The following SOX5 variants were observed in gnomAD, a reference collection of about 807,000 sequenced individuals.
The protein encoded by SOX5 is transcription factor SOX-5.
In SOX5, 9 loss-of-function variants were observed where a neutral mutation model predicts 92.0. The observed-to-expected ratio is 0.10, with a 90% CI of 0.06 to 0.17. The LOEUF (loss-of-function observed/expected upper bound fraction) is 0.17, where lower values mean the gene tolerates loss of function less well. Ranked by LOEUF, SOX5 falls within the 10% of genes least tolerant of loss-of-function variation. The pLI is 1.00. For missense variants in SOX5, 642 were observed against 944.5 expected (o/e 0.68, Z 4.20); for synonymous variants, 344 against 336.3 (o/e 1.02, Z -0.25).
In SOX5 at chr12:23,870,892, G is replaced by C. The variant is rs530981083; in HGVS notation, c.271-24699C>G. Among the ~76,000 whole-genome samples, 479 of 151,622 alleles carry C rather than the reference G, an allele frequency of 3.2e-3. 2 individuals are homozygous for C. Among genetic ancestry groups the C allele is most frequent in the Middle Eastern group, 0.01 (3 of 294 alleles). The stretch of plus-strand genomic sequence containing the variant: ...TTTTTTCTTCTTCTTCAATAGTTCT[G>C]CATAAATGAGACACTTCACTCACTA... On this transcript the variant is annotated intron_variant, in intron 2 of 14. Transcript: ENST00000451604.
chr12:23,573,338 A>G (rs555025044), intron 10 of SOX5, among the ~76,000 whole-genome samples: 12 of 152,274 alleles, frequency 7.9e-5, no homozygotes, highest in African/African-American at 2.9e-4. Context: ...CTGGAAATCT[A>G]TTCAAACCAT....
intron 2 of SOX5, among the ~76,000 whole-genome samples, chr12:24,356,930 T>A (rs1954904121): frequency 1.3e-5 from 2 of 152,330 alleles, no homozygotes; most frequent in South Asian, 4.1e-4. Context: ...AACTAGATAC[T>A]GACCATCCCA....
chr12:24,157,076 C>A (rs1952256654), intron 4 of SOX5, among the ~76,000 whole-genome samples: 1 of 152,016 alleles, frequency 6.6e-6, no homozygotes, highest in Admixed American at 6.6e-5. Context: ...AAGTGTTTAT[C>A]TTCAGTGTTT....
intron 4 of SOX5, among the ~76,000 whole-genome samples, chr12:23,971,150 T>C (rs1441598951): frequency 3.8e-5 from 3 of 78,108 alleles, no homozygotes; most frequent in Non-Finnish European, 7.0e-5. Context: ...TGAGAGGGAG[T>C]CTTGCTCTGT....
chr12:24,223,838 G>T (rs113703032), intron 3 of SOX5, among the ~76,000 whole-genome samples: 11 of 152,252 alleles, frequency 7.2e-5, no homozygotes, highest in African/African-American at 2.2e-4. Context: ...TTTTGCTTCC[G>T]TTAGAAAATG....
At chr12:24,119,315 CATT>C (rs1449379602) in intron 4 of SOX5, among the ~76,000 whole-genome samples, 1 of 152,008 alleles carries the variant, frequency 6.6e-6, no homozygotes, top group Non-Finnish European at 1.5e-5. Flanking sequence ...CTTTTTGTAT[CATT>C]AGCACTATTC....
chr12:23,896,065 A>G (rs1038649303), intron 1 of SOX5, 41 bp from the exon 2 acceptor site: 1 of 1,355,050 alleles, frequency 7.4e-7, no homozygotes, highest in Non-Finnish European at 1.1e-6. Flanking sequence ...AAACCTCCAC[A>G]TAAATCCTTA....
intron 4 of SOX5, among the ~76,000 whole-genome samples, chr12:24,174,969 T>C (rs1188909521): frequency 1.3e-5 from 2 of 152,214 alleles, no homozygotes; most frequent in Non-Finnish European, 2.9e-5. Flanking sequence ...GTCATACTTC[T>C]GGAAGTTCAT....
intron 6 of SOX5, among the ~76,000 whole-genome samples, chr12:23,696,312 G>A (rs2089852534): frequency 1.3e-5 from 2 of 152,012 alleles, no homozygotes; most frequent in Non-Finnish European, 2.9e-5. Context: ...GTAGTGTAGA[G>A]GTATTCAGGG....
intron 3 of SOX5, among the ~76,000 whole-genome samples, chr12:24,225,933 C>T (rs1961843380): frequency 6.6e-6 from 1 of 152,092 alleles, no homozygotes; most frequent in Admixed American, 6.6e-5. Flanking sequence ...TTGTAGGAAT[C>T]AAAGAAACGT....
At chr12:23,553,238 T>C (rs1364904539) in intron 11 of SOX5, among the ~76,000 whole-genome samples, 1 of 152,066 alleles carries the variant, frequency 6.6e-6, no homozygotes, top group East Asian at 1.9e-4. Flanking sequence ...AGACATATTT[T>C]GTGAAGAGAC....
chr12:24,267,347 A>C (rs1277888224), intron 3 of SOX5, among the ~76,000 whole-genome samples: 1 of 152,206 alleles, frequency 6.6e-6, no homozygotes, highest in East Asian at 1.9e-4. Context: ...ATAAAACACC[A>C]ATGACTCATA....
chr12:24,129,558 TATTTTTTA>T (rs1168242058), intron 4 of SOX5, among the ~76,000 whole-genome samples: 2 of 152,168 alleles, frequency 1.3e-5, no homozygotes, highest in Non-Finnish European at 2.9e-5. Context: ...CTTCTCTGGA[TATTTTTTA>T]ATTGCACATG....
At chr12:24,142,686 GAATACA>G (rs1295777764) in intron 4 of SOX5, among the ~76,000 whole-genome samples, 1 of 151,866 alleles carries the variant, frequency 6.6e-6, no homozygotes, top group Non-Finnish European at 1.5e-5. Flanking sequence ...CCAAGAACCA[GAATACA>G]AATGAGAGGA....
chr12:24,342,995 G>A (rs1952756589), intron 2 of SOX5, among the ~76,000 whole-genome samples: 1 of 152,138 alleles, frequency 6.6e-6, no homozygotes, highest in South Asian at 2.1e-4. Context: ...TAATGACTAT[G>A]GCATGAAATG....
intron 9 of SOX5, among the ~76,000 whole-genome samples, chr12:23,579,930 T>G (rs1949805277): frequency 6.6e-6 from 1 of 152,110 alleles, no homozygotes; most frequent in Non-Finnish European, 1.5e-5. Context: ...AGGTTGCCAA[T>G]TGGAACTTTT....
chr12:24,523,723 C>A (rs948803609), intron 1 of SOX5, among the ~76,000 whole-genome samples: 1 of 152,112 alleles, frequency 6.6e-6, no homozygotes, highest in South Asian at 2.1e-4. Context: ...TGTTTCATAT[C>A]AGACACAAAA....
intron 7 of SOX5, among the ~76,000 whole-genome samples, chr12:23,645,168 G>A (rs2080664211): frequency 6.6e-6 from 1 of 152,104 alleles, no homozygotes; most frequent in Non-Finnish European, 1.5e-5. Context: ...AGGAGGTAAG[G>A]GAGAACTAAT....
chr12:24,423,584 T>C (rs555597361), intron 1 of SOX5, among the ~76,000 whole-genome samples: 3 of 152,370 alleles, frequency 2.0e-5, no homozygotes, highest in African/African-American at 7.2e-5. Context: ...TCACACAATA[T>C]TCCCAGGAAA....
Sources: allele counts gnomAD v4.1 joint callset (sites outside exome capture counted in the v4.1 genomes callset), GRCh38; gene constraint gnomAD v4.1.1; transcripts MANE v1.5; gene names NCBI Gene and HGNC (gene_info 2026-07-23, HGNC 2026-07-21).